The following ARHGEF6 variants were observed in gnomAD, a reference collection of about 807,000 sequenced individuals.
ARHGEF6 encodes the protein rho guanine nucleotide exchange factor 6.
Under a neutral mutation model 70.3 loss-of-function variants are expected in ARHGEF6, and 9 were observed. The ratio of observed to expected loss-of-function variants is 0.13; its 90% CI spans 0.08 to 0.22. The LOEUF (loss-of-function observed/expected upper bound fraction) is 0.22, where lower values mean the gene tolerates loss of function less well. ARHGEF6 is among the 10% of genes least tolerant of loss of function. ARHGEF6 has a pLI of 1.00. For missense variants in ARHGEF6, 470 were observed against 563.0 expected, an observed-to-expected ratio of 0.83 and a Z score of 1.67; for synonymous variants, 201 against 207.8, an observed-to-expected ratio of 0.97 and a Z score of 0.28.
intron 6 of ARHGEF6, among the ~76,000 whole-genome samples, chrX:136,727,467 T>C (rs2076881186): frequency 9.8e-6 from 1 of 101,905 alleles, no homozygotes; most frequent in Non-Finnish European, 2.0e-5. Flanking sequence ...CCTTCTTTCT[T>C]TCTCTCTTTC....
chrX:136,766,998 G>A, intron 2 of ARHGEF6: 1 of 516,033 alleles, frequency 1.9e-6, no homozygotes, highest in Non-Finnish European at 2.4e-6. Context: ...TGAGGCCCTG[G>A]CAGAGAACGG....
intron 19 of ARHGEF6, among the ~76,000 whole-genome samples, chrX:136,674,146 G>A (rs774866306): frequency 2.7e-5 from 3 of 112,579 alleles, no homozygotes; most frequent in South Asian, 3.7e-4. Flanking sequence ...GATTACAGGC[G>A]TGAGCCATCA....
intron 20 of ARHGEF6, among the ~76,000 whole-genome samples, chrX:136,669,794 C>T (rs1306525254): frequency 8.9e-6 from 1 of 111,867 alleles, no homozygotes; most frequent in African/African-American, 3.3e-5. Flanking sequence ...TACTCACTTC[C>T]CAGCTTGGGT....
chrX:136,713,235 T>C, intron 7 of ARHGEF6, 41 bp downstream of exon 7: 1 of 984,087 alleles, frequency 1.0e-6, no homozygotes, highest in Non-Finnish European at 1.5e-6. Context: ...GTTGACATTA[T>C]GTTGCTTTAC....
chrX:136,768,995 A>G (rs1454708568), intron 2 of ARHGEF6, among the ~76,000 whole-genome samples: 21 of 108,684 alleles, frequency 1.9e-4, no homozygotes, highest in African/African-American at 7.1e-4. Flanking sequence ...AGGGAGAGAG[A>G]GTAAGAGAGG....
At chrX:136,768,645 G>A (rs2077339936) in intron 2 of ARHGEF6, 1 of 112,560 alleles carries the variant, frequency 8.9e-6, no homozygotes, top group Non-Finnish European at 1.9e-5. Context: ...AAGATCTGCT[G>A]ATACCCGTTA....
intron 6 of ARHGEF6, among the ~76,000 whole-genome samples, chrX:136,721,238 C>T (rs745614224): frequency 7.0e-4 from 79 of 112,105 alleles, no homozygotes; most frequent in Non-Finnish European, 1.3e-3. Context: ...ATGAAATCAG[C>T]GGATGCATGG....
intron 2 of ARHGEF6, among the ~76,000 whole-genome samples, chrX:136,760,201 C>T (rs1002696158): frequency 8.9e-6 from 1 of 112,668 alleles, no homozygotes; most frequent in Admixed American, 9.4e-5. Flanking sequence ...CCCTAAGAAA[C>T]TGGCAAGTGC....
intron 5 of ARHGEF6, among the ~76,000 whole-genome samples, chrX:136,733,027 T>C (rs898400115): frequency 2.7e-5 from 3 of 111,470 alleles, no homozygotes; most frequent in Non-Finnish European, 5.7e-5. Flanking sequence ...AATTTTAATA[T>C]TATTCCACTG....
intron 6 of ARHGEF6, 145 bp downstream of exon 6, chrX:136,731,957 C>A (rs2076939603): frequency 4.3e-6 from 2 of 468,174 alleles, no homozygotes; most frequent in Admixed American, 7.7e-5. Flanking sequence ...TAAAAGAGCT[C>A]CACTGTAATG....
rs111642983 is a variant in ARHGEF6 at position 136,772,691 on chromosome X, G to A, written c.249+6723C>T. Among the ~76,000 whole-genome samples the A allele has an allele frequency of 3.0e-3, 335 of 111,505 alleles. 1 individual carries two copies. Among genetic ancestry groups the A allele is most frequent in the African/African-American group, 0.011 (322 of 30,650 alleles). Reference sequence around the variant, plus strand: ...AGGCTGGACAATATGGCAAAACCCCGTCTCTACTTAAAAATACAAAAATTA... The same window carrying A: ...AGGCTGGACAATATGGCAAAACCCCATCTCTACTTAAAAATACAAAAATTA... On this transcript the variant is annotated intron_variant, in intron 2 of 21. Coordinates refer to ENST00000250617, the MANE Select transcript of ARHGEF6 (RefSeq NM_004840.3).
intron 6 of ARHGEF6, among the ~76,000 whole-genome samples, chrX:136,728,984 G>A (rs1391443444): frequency 1.0e-5 from 1 of 96,109 alleles, no homozygotes; most frequent in Non-Finnish European, 2.0e-5. Flanking sequence ...AGTCACATGT[G>A]CCAATTCCTT....
At chrX:136,738,067 G>A (rs1460860324) in intron 5 of ARHGEF6, among the ~76,000 whole-genome samples, 4 of 109,568 alleles carry the variant, frequency 3.7e-5, no homozygotes, top group Admixed American at 3.0e-4. Flanking sequence ...CTGTCTTTCA[G>A]TGTTCAGCTT....
chrX:136,674,935 C>CTT, intron 19 of ARHGEF6, 72 bp downstream of exon 19: 3 of 1,066,947 alleles, frequency 2.8e-6, no homozygotes, highest in Non-Finnish European at 3.9e-6. Flanking sequence ...TTGCTTTTCT[C>CTT]TTTTTCTAAA....
At chrX:136,751,411 G>C (rs1179660293) in intron 2 of ARHGEF6, among the ~76,000 whole-genome samples, 2 of 112,038 alleles carry the variant, frequency 1.8e-5, no homozygotes, top group Non-Finnish European at 3.8e-5. Context: ...CCAACTCCCT[G>C]TTCCATTCCC....
chrX:136,714,697 G>A (rs1253451832), intron 6 of ARHGEF6, among the ~76,000 whole-genome samples: 1 of 111,774 alleles, frequency 8.9e-6, no homozygotes, highest in East Asian at 2.8e-4. Context: ...CAAAACAAGT[G>A]GAGATCCTGG....
chrX:136,674,989 T>C lies in ARHGEF6; in HGVS notation c.2035+18A>G, dbSNP rs774810336. On this transcript the variant is annotated intron_variant, in intron 19 of 21. Coordinates refer to ENST00000250617, the MANE Select transcript of ARHGEF6 (RefSeq NM_004840.3). ...AAGAAACGTCACTCACTAGAGAAAGTAGTTTGGGGGAACCTACTTGAGCCA... is the reference window on the plus strand; with the variant it reads ...AAGAAACGTCACTCACTAGAGAAAGCAGTTTGGGGGAACCTACTTGAGCCA... The C allele has an allele frequency of 1.7e-6, 2 of 1,194,170 alleles. No homozygotes were observed. The highest frequency in any genetic ancestry group is 2.3e-6 in the Non-Finnish European group (2 of 879,723).
rs773226651 is a variant in ARHGEF6, at chrX:136,747,546, A to G, written c.296T>C (p.Val99Ala). 4.1e-6 allele frequency: 5 copies of G among 1,209,963 alleles called. No homozygotes were observed. The South Asian group carries it at 7.0e-5, about 17-fold the overall frequency. The change falls in exon 3 of 22, where the codon GTA becomes GCA. Residue 99 changes from valine to alanine, a missense_variant. Transcript: ENST00000250617. ...GTTGACAGCTAAAAGAGTACTCAGT[A>G]CCTTGGAGAAATTGACCCCTGAATA... ...DLYSGVNFSK[V>A]LSTLLAVNKA... is the part of the protein sequence containing the mutation.
chrX:136,688,825 T>C (rs1486413659), intron 10 of ARHGEF6, among the ~76,000 whole-genome samples: 1 of 112,411 alleles, frequency 8.9e-6, no homozygotes, highest in Non-Finnish European at 1.9e-5. Flanking sequence ...CTCTTACACA[T>C]GGCCTGCAAT....
Sources: allele counts gnomAD v4.1 joint callset (sites outside exome capture counted in the v4.1 genomes callset), GRCh38; gene constraint gnomAD v4.1.1; transcripts MANE v1.5; gene names NCBI Gene and HGNC (gene_info 2026-07-23, HGNC 2026-07-21).